The following UTRN variants were observed in gnomAD, a reference collection of about 807,000 sequenced individuals.
The protein encoded by UTRN is dystrophin-related protein 1.
In UTRN, 283 loss-of-function variants were observed where a neutral mutation model predicts 463.9. The observed-to-expected ratio is 0.61, with a 90% CI of 0.55 to 0.67. UTRN has a LOEUF of 0.67. Ranked by LOEUF, UTRN falls within the 30% of genes least tolerant of loss-of-function variation. The probability of loss-of-function intolerance (pLI) is 0.00; values close to 1 mark genes in which losing one functional copy is unlikely to be tolerated. For missense variants in UTRN, 3,922 were observed against 4,084.3 expected, an observed-to-expected ratio of 0.96 and a Z score of 1.08; for synonymous variants, 1,442 against 1,431.5, an observed-to-expected ratio of 1.01 and a Z score of -0.17.
intron 50 of UTRN, among the ~76,000 whole-genome samples, chr6:144,571,270 A>G (rs919786144): frequency 2.0e-5 from 3 of 152,060 alleles, no homozygotes; most frequent in Non-Finnish European, 4.4e-5. Flanking sequence ...GGGTTTGGGG[A>G]AGGATAAAAC....
At chr6:144,503,396 G>A (rs1323975282) in intron 34 of UTRN, among the ~76,000 whole-genome samples, 1 of 152,150 alleles carries the variant, frequency 6.6e-6, no homozygotes, top group Non-Finnish European at 1.5e-5. Flanking sequence ...TTACGTTTAA[G>A]TCTTTAATCC....
At chr6:144,413,871 A>G (rs1373746757) in intron 3 of UTRN, among the ~76,000 whole-genome samples, 2 of 152,038 alleles carry the variant, frequency 1.3e-5, no homozygotes, top group Non-Finnish European at 1.5e-5. Flanking sequence ...AGATACAATT[A>G]TGGCTCACTG....
intron 66 of UTRN, among the ~76,000 whole-genome samples, chr6:144,824,435 G>A: frequency 9.5e-6 from 1 of 105,548 alleles, no homozygotes; most frequent in African/African-American, 3.6e-5. Context: ...CACACACATT[G>A]TATATATATA....
At chr6:144,799,844 C>G (rs192300223) in intron 64 of UTRN, among the ~76,000 whole-genome samples, 1 of 152,104 alleles carries the variant, frequency 6.6e-6, no homozygotes, top group Non-Finnish European at 1.5e-5. Context: ...AATCCAGAAC[C>G]CTTTGGTTTT....
At chr6:144,773,697 T>C (rs1389255396) in intron 59 of UTRN, among the ~76,000 whole-genome samples, 1 of 152,192 alleles carries the variant, frequency 6.6e-6, no homozygotes, top group African/African-American at 2.4e-5. Context: ...TTAATGATAA[T>C]AGACTGAGAA....
chr6:144,754,773 A>T lies in UTRN; in HGVS notation c.8409A>T (p.Gly2803=), dbSNP rs143987397. The change falls in exon 57 of 75, where the codon GGA becomes GGT. Residue 2803 remains glycine, a synonymous_variant. Transcript: ENST00000367545. ...KQLQEAHRDF[G]PSSQHFLSTS... Reference sequence around the variant, plus strand: ...TTCAGGAAGCCCACAGAGATTTTGGACCATCCTCTCAGCATTTTCTCTCTA... The same window carrying T: ...TTCAGGAAGCCCACAGAGATTTTGGTCCATCCTCTCAGCATTTTCTCTCTA... The T allele has an allele frequency of 3.1e-6, 5 of 1,613,432 alleles. No homozygotes were observed. The African/African-American group carries it at 5.3e-5, about 17-fold the overall frequency.
intron 53 of UTRN, among the ~76,000 whole-genome samples, chr6:144,710,609 T>G (rs1785578483): frequency 6.6e-6 from 1 of 152,212 alleles, no homozygotes; most frequent in South Asian, 2.1e-4. Flanking sequence ...TAATAAATAC[T>G]TTGTTCAGTG....
chr6:144,561,260 T>G (rs865804894), intron 50 of UTRN, among the ~76,000 whole-genome samples: 1 of 72,834 alleles, frequency 1.4e-5, no homozygotes, highest in East Asian at 5.3e-4. Context: ...TATATATATA[T>G]ACATACACAC....
chr6:144,727,879 C>T (rs898387081), intron 53 of UTRN, among the ~76,000 whole-genome samples: 1 of 152,084 alleles, frequency 6.6e-6, no homozygotes, highest in Non-Finnish European at 1.5e-5. Context: ...CACCTGAGGT[C>T]TGGAGTTTGA....
chr6:144,549,432 C>T (rs1423276499), intron 47 of UTRN, among the ~76,000 whole-genome samples: 1 of 152,186 alleles, frequency 6.6e-6, no homozygotes, highest in East Asian at 1.9e-4. Context: ...TTATTAAGTG[C>T]TTCATGTGTG....
At chr6:144,410,270 G>A (rs187360616) in intron 3 of UTRN, among the ~76,000 whole-genome samples, 89 of 152,264 alleles carry the variant, frequency 5.8e-4, no homozygotes, top group Non-Finnish European at 1.1e-3. Flanking sequence ...TCTCATGGAA[G>A]CCTATCTTTT....
At chr6:144,530,865 A>G (rs1003500502) in intron 41 of UTRN, among the ~76,000 whole-genome samples, 187 bp from the exon 42 acceptor site, 7 of 152,126 alleles carry the variant, frequency 4.6e-5, no homozygotes, top group African/African-American at 1.4e-4. Context: ...TATGATGCAT[A>G]TATCTCTAGG....
At chr6:144,736,758 G>C (rs1789449246) in intron 54 of UTRN, among the ~76,000 whole-genome samples, 1 of 152,152 alleles carries the variant, frequency 6.6e-6, no homozygotes, top group Non-Finnish European at 1.5e-5. Context: ...TTTGTCCTCA[G>C]CTTTTCCATC....
chr6:144,367,434 T>C (rs1779610292), intron 2 of UTRN, among the ~76,000 whole-genome samples: 3 of 152,128 alleles, frequency 2.0e-5, no homozygotes. Flanking sequence ...ATTTTATAGA[T>C]ATGTTCTTTT....
At chr6:144,336,180 G>A (rs1229055508) in intron 2 of UTRN, among the ~76,000 whole-genome samples, 1 of 152,200 alleles carries the variant, frequency 6.6e-6, no homozygotes, top group Non-Finnish European at 1.5e-5. Flanking sequence ...CTGGGCTGCG[G>A]CAGGTGGTGG....
At position 144,286,216 on chromosome 6, in the gene UTRN, T is replaced by C. The variant is rs892282713; in HGVS notation, c.-93+395T>C. On this transcript the variant is annotated intron_variant, in intron 1 of 74. Transcript: ENST00000367545. The surrounding 1 kb of genome is among the most constrained non-coding windows in gnomAD (Gnocchi z 4.4). Reference sequence around the variant, plus strand: ...GCGGTGCAGGGCGCTGGGCCAGTGATTTGCAAGAGGGGACGTGGCCTCTTA... The same window carrying C: ...GCGGTGCAGGGCGCTGGGCCAGTGACTTGCAAGAGGGGACGTGGCCTCTTA... Among the ~76,000 whole-genome samples the C allele has an allele frequency of 1.3e-5, 2 of 151,924 alleles. No homozygotes were observed. Among genetic ancestry groups the C allele is most frequent in the African/African-American group, 4.9e-5 (2 of 41,236 alleles).
At chr6:144,385,949 T>C (rs1459136887) in intron 2 of UTRN, among the ~76,000 whole-genome samples, 1 of 152,142 alleles carries the variant, frequency 6.6e-6, no homozygotes, top group Non-Finnish European at 1.5e-5. Flanking sequence ...CTTCAGATGA[T>C]CCACCTGCCT....
At chr6:144,314,286 T>C (rs1775135744) in intron 2 of UTRN, among the ~76,000 whole-genome samples, 1 of 152,188 alleles carries the variant, frequency 6.6e-6, no homozygotes, top group Non-Finnish European at 1.5e-5. Flanking sequence ...GCAAGTGAAG[T>C]AGGGCGCAGG....
intron 40 of UTRN, among the ~76,000 whole-genome samples, chr6:144,522,505 T>A (rs1241440202): frequency 2.0e-5 from 3 of 152,190 alleles, no homozygotes; most frequent in Non-Finnish European, 4.4e-5. Flanking sequence ...TATCAGGCAA[T>A]CTATAATGGT....
Sources: gnomAD v4.1 joint callset for allele counts (sites outside exome capture counted in the v4.1 genomes callset) on GRCh38, gnomAD v4.1.1 for gene constraint, Gnocchi (gnomAD v3.1) non-coding constraint, MANE v1.5 for transcripts, NCBI Gene and HGNC (gene_info 2026-07-23, HGNC 2026-07-21) for gene names.